ESRRG: variants seen among roughly 807,000 people sequenced by gnomAD.
ESRRG encodes the protein estrogen related receptor gamma.
A neutral mutation model predicts 44.0 loss-of-function variants in ESRRG; 13 were observed. The observed-to-expected ratio is 0.30, with a 90% CI of 0.19 to 0.47. The LOEUF is 0.47. Among genes scored for constraint, ESRRG ranks in the 20% least tolerant of loss-of-function variants. ESRRG has a pLI of 1.00. For synonymous variants in ESRRG, 215 were observed against 214.6 expected (o/e 1.00, Z -0.02); for missense variants, 395 against 580.6 (o/e 0.68, Z 3.29).
At chr1:216,632,397 T>C (rs2064383060) in intron 3 of ESRRG, among the ~76,000 whole-genome samples, 1 of 152,164 alleles carries the variant, frequency 6.6e-6, no homozygotes, top group Non-Finnish European at 1.5e-5. Flanking sequence ...TCAAGTAAAA[T>C]AAACACAATC....
At chr1:216,648,329 G>T (rs184842661) in intron 3 of ESRRG, among the ~76,000 whole-genome samples, 1 of 152,272 alleles carries the variant, frequency 6.6e-6, no homozygotes, top group East Asian at 1.9e-4. Flanking sequence ...GAGGTGGGGG[G>T]AGGTGGTTAA....
intron 1 of ESRRG, among the ~76,000 whole-genome samples, chr1:217,015,941 G>A (rs2079308776): frequency 6.6e-6 from 1 of 152,100 alleles, no homozygotes; most frequent in African/African-American, 2.4e-5. Flanking sequence ...ATGTTGACCA[G>A]GCTGGCTTCG....
intron 1 of ESRRG, among the ~76,000 whole-genome samples, chr1:217,126,768 G>A (rs1450906730): frequency 1.3e-5 from 2 of 152,106 alleles, no homozygotes; most frequent in South Asian, 2.1e-4. Flanking sequence ...TACATGTAAT[G>A]ATAATATGGT....
At chr1:216,832,567 G>T (rs191985360) in intron 2 of ESRRG, among the ~76,000 whole-genome samples, 24 of 152,260 alleles carry the variant, frequency 1.6e-4, no homozygotes, top group Admixed American at 1.4e-3. Flanking sequence ...CAGCAAAATG[G>T]CCACATTTGC....
intron 1 of ESRRG, among the ~76,000 whole-genome samples, chr1:217,127,377 A>G (rs2092906868): frequency 6.6e-6 from 1 of 152,332 alleles, no homozygotes; most frequent in East Asian, 1.9e-4. Flanking sequence ...AATCATGCCA[A>G]GTTTGGTGAC....
intron 1 of ESRRG, among the ~76,000 whole-genome samples, chr1:216,685,491 A>G (rs2077765517): frequency 6.6e-6 from 1 of 152,200 alleles, no homozygotes; most frequent in Admixed American, 6.5e-5. Flanking sequence ...GGAGCACACC[A>G]AAGAGAACTC....
chr1:216,849,930 T>G (rs1002949038), intron 2 of ESRRG, among the ~76,000 whole-genome samples: 22 of 152,154 alleles, frequency 1.4e-4, no homozygotes, highest in African/African-American at 5.3e-4. Context: ...AAGAAGTTTA[T>G]GAACTCTCTT....
At chr1:216,617,183 TC>T (rs1171704871) in intron 3 of ESRRG, among the ~76,000 whole-genome samples, 2 of 152,112 alleles carry the variant, frequency 1.3e-5, no homozygotes, top group Non-Finnish European at 2.9e-5. Context: ...ACTCACATAT[TC>T]CCATTTAACT....
chr1:217,106,654 A>G lies in ESRRG; in HGVS notation c.-230+31013T>C, dbSNP rs75251065. On this transcript the variant is annotated intron_variant, in intron 1 of 8. Coordinates refer to the ESRRG transcript ENST00000366940. ...TAGCAGTCTTCTTCCCTATCCTGTT[A>G]CAAGCTGCTTGACCAACCTGAAGTT... Among the ~76,000 whole-genome samples, 1,082 of 152,258 alleles carry G rather than the reference A, an allele frequency of 7.1e-3. 13 individuals carry two copies. Among genetic ancestry groups the G allele is most frequent in the African/African-American group, 0.025 (1,026 of 41,542 alleles).
At chr1:216,767,209 T>C (rs540845708) in intron 2 of ESRRG, among the ~76,000 whole-genome samples, 1 of 152,130 alleles carries the variant, frequency 6.6e-6, no homozygotes, top group East Asian at 1.9e-4. Flanking sequence ...CTTTCTTTCC[T>C]AGTTACTCAT....
At chr1:216,512,817 A>G (rs1177619959) in intron 6 of ESRRG, among the ~76,000 whole-genome samples, 1 of 152,194 alleles carries the variant, frequency 6.6e-6, no homozygotes, top group Non-Finnish European at 1.5e-5. Flanking sequence ...AGATTATCCT[A>G]GATTATTCAG....
At chr1:216,992,743 A>C (rs546665716) in intron 1 of ESRRG, among the ~76,000 whole-genome samples, 1 of 152,344 alleles carries the variant, frequency 6.6e-6, no homozygotes, top group South Asian at 2.1e-4. Flanking sequence ...ACAGATTCCC[A>C]AAATTTACAA....
chr1:217,009,287 G>A (rs747797276), intron 1 of ESRRG, among the ~76,000 whole-genome samples: 17 of 152,050 alleles, frequency 1.1e-4, no homozygotes, highest in Non-Finnish European at 2.1e-4. Context: ...ATTGAAGATT[G>A]CTCTTTAAAA....
chr1:216,817,059 T>TA (rs11389958), intron 2 of ESRRG, among the ~76,000 whole-genome samples: 12,341 of 137,366 alleles, frequency 0.09, 717 homozygotes, highest in African/African-American at 0.18. Flanking sequence ...AAGAAAATGA[T>TA]AAAAAAAAAA....
intron 1 of ESRRG, among the ~76,000 whole-genome samples, chr1:216,958,299 T>C (rs1314934229): frequency 3.3e-5 from 5 of 152,084 alleles, no homozygotes; most frequent in African/African-American, 1.2e-4. Context: ...CACCTGAGAG[T>C]AGAATTGCTG....
At chr1:216,620,160 A>G (rs550603694) in intron 3 of ESRRG, among the ~76,000 whole-genome samples, 1 of 152,286 alleles carries the variant, frequency 6.6e-6, no homozygotes, top group South Asian at 2.1e-4. Flanking sequence ...TTCAATCCCT[A>G]CTGTGTAACT....
At position 216,905,151 on chromosome 1, in the gene ESRRG, C is replaced by T. The variant is rs545574239; in HGVS notation, c.-14+34431G>A. Among the ~76,000 whole-genome samples, 3 of 152,310 alleles carry T rather than the reference C, an allele frequency of 2.0e-5. No homozygotes were observed. In the South Asian group the frequency reaches 6.2e-4, roughly 32 times the overall value. ...AACCTTAAGACTTTCAACACACTGT[C>T]TGTAAGCAGATACTCCGGCTGCCCA... On this transcript the variant is annotated intron_variant, in intron 2 of 7. Transcript: ENST00000359162.
intron 1 of ESRRG, among the ~76,000 whole-genome samples, chr1:217,113,421 A>G (rs1446607825): frequency 6.6e-6 from 1 of 152,110 alleles, no homozygotes; most frequent in Non-Finnish European, 1.5e-5. Flanking sequence ...TCTCTGTACC[A>G]CCAACATATA....
intron 1 of ESRRG, among the ~76,000 whole-genome samples, chr1:216,705,198 TAA>T (rs1379872770): frequency 2.0e-5 from 3 of 152,184 alleles, no homozygotes; most frequent in Non-Finnish European, 4.4e-5. Flanking sequence ...TTACACGTTT[TAA>T]GACTTTCATT....
Sources: gnomAD v4.1 joint callset for allele counts (sites outside exome capture counted in the v4.1 genomes callset) on GRCh38, gnomAD v4.1.1 for gene constraint, MANE v1.5 for transcripts, NCBI Gene and HGNC (gene_info 2026-07-23, HGNC 2026-07-21) for gene names.